The following PHF8 variants were observed in gnomAD, a reference collection of about 807,000 sequenced individuals.
PHF8 encodes the protein PHD finger protein 8, also known as histone lysine demethylase PHF8.
A neutral mutation model predicts 74.4 loss-of-function variants in PHF8; 9 were observed. The ratio of observed to expected loss-of-function variants is 0.12; its 90% CI spans 0.07 to 0.21. The LOEUF is 0.21. PHF8 is among the 10% of genes least tolerant of loss of function. PHF8 has a pLI of 1.00. For synonymous variants in PHF8, 311 were observed against 316.6 expected (o/e 0.98, Z 0.19); for missense variants, 478 against 816.6 (o/e 0.59, Z 5.05).
chrX:54,023,820 G>T (rs1333253537), intron 2 of PHF8, among the ~76,000 whole-genome samples: 1 of 84,077 alleles, frequency 1.2e-5, no homozygotes, highest in Non-Finnish European at 2.2e-5. Context: ...CAGCCTGGGT[G>T]ACAGAACAAG....
At chrX:53,985,779 G>A in intron 17 of PHF8, 37 bp downstream of exon 17, 2 of 1,211,445 alleles carry the variant, frequency 1.7e-6, no homozygotes, top group Non-Finnish European at 1.1e-6. Flanking sequence ...GTTGCTGTCT[G>A]ATAGCCTGGA....
chrX:53,969,569 T>C, intron 18 of PHF8, among the ~76,000 whole-genome samples: 1 of 112,051 alleles, frequency 8.9e-6, no homozygotes, highest in Non-Finnish European at 1.9e-5. Context: ...ATAGATTCCA[T>C]GCAATCCCTA....
intron 2 of PHF8, among the ~76,000 whole-genome samples, chrX:54,025,610 C>T (rs1557111262): frequency 9.0e-6 from 1 of 111,614 alleles, no homozygotes; most frequent in East Asian, 2.8e-4. Flanking sequence ...ATTCCAGGCA[C>T]TTAGTTCTTT....
At chrX:54,025,188 T>C (rs2066248712) in intron 2 of PHF8, among the ~76,000 whole-genome samples, 1 of 111,891 alleles carries the variant, frequency 8.9e-6, no homozygotes, top group South Asian at 3.7e-4. Flanking sequence ...TTCATACCAT[T>C]TTTTTCTAGT....
chrX:53,981,744 A>G (rs2065482926), intron 18 of PHF8, among the ~76,000 whole-genome samples: 1 of 111,910 alleles, frequency 8.9e-6, no homozygotes, highest in African/African-American at 3.2e-5. Context: ...TTGAGTCTGT[A>G]TTTTGGCTTC....
chrX:53,957,309 C>T (rs2065029801), intron 19 of PHF8, among the ~76,000 whole-genome samples: 1 of 109,100 alleles, frequency 9.2e-6, no homozygotes, highest in Admixed American at 9.8e-5. Context: ...GCCGGGATCT[C>T]GCCACTGCAC....
chrX:53,995,991 G>A (rs1459512354), intron 11 of PHF8, among the ~76,000 whole-genome samples: 1 of 110,609 alleles, frequency 9.0e-6, no homozygotes, highest in East Asian at 2.8e-4. Flanking sequence ...AACTTAAAAT[G>A]GATCATAGAC....
chrX:54,032,609 C>T (rs1557112872), intron 2 of PHF8, among the ~76,000 whole-genome samples: 1 of 111,217 alleles, frequency 9.0e-6, no homozygotes, highest in African/African-American at 3.3e-5. Context: ...TTCTCCTGCT[C>T]ACCCTACTTT....
intron 4 of PHF8, among the ~76,000 whole-genome samples, chrX:54,021,538 G>A (rs1341002923): frequency 2.2e-5 from 2 of 89,382 alleles, no homozygotes; most frequent in Non-Finnish European, 2.1e-5. Context: ...GTGGGATCTC[G>A]GCTCACTGCA....
At chrX:53,994,427 C>T (rs2065716229) in intron 12 of PHF8, among the ~76,000 whole-genome samples, 1 of 112,433 alleles carries the variant, frequency 8.9e-6, no homozygotes, top group Non-Finnish European at 1.9e-5. Flanking sequence ...AGGTAGAAGG[C>T]GAATGAGAAG....
At position 53,987,823 on chromosome X, in the gene PHF8, C is replaced by T; in HGVS notation, c.1852G>A (p.Glu618Lys). 1 of 1,209,429 alleles carries T rather than the reference C, an allele frequency of 8.3e-7. No individual in the cohort carries two copies. Among genetic ancestry groups the T allele is most frequent in the Non-Finnish European group, 1.1e-6 (1 of 893,664 alleles). Reference protein sequence around the residue: ...EDEFDLDSDDELQIDERLGKE... With the variant: ...EDEFDLDSDDKLQIDERLGKE... The stretch of plus-strand genomic sequence containing the variant: ...CCCAATCTCTCGTCAATCTGCAGCT[C>T]ATCATCTGAATCCAAGTCAAATTCG... The change falls in exon 15 of 22, where the codon GAG becomes AAG. Residue 618 changes from glutamate (E) to lysine (K), a missense_variant. Glu to Lys is a moderately conservative substitution (Grantham distance 56). Coordinates refer to ENST00000338154, the MANE Select transcript of PHF8 (RefSeq NM_015107.3).
chrX:53,952,064 T>C (rs2064932514), intron 19 of PHF8, among the ~76,000 whole-genome samples: 1 of 109,924 alleles, frequency 9.1e-6, no homozygotes, highest in Admixed American at 9.7e-5. Context: ...AGCGGGCAGA[T>C]TACGAGGTCA....
chrX:53,972,321 CAAAAAAA>C (rs1236817498), intron 18 of PHF8, among the ~76,000 whole-genome samples: 30 of 34,159 alleles, frequency 8.8e-4, no homozygotes, highest in East Asian at 1.1e-3. Flanking sequence ...GACGCTGTCT[CAAAAAAA>C]AAAAAAAAAA....
At chrX:54,003,399 G>GT (rs782190409) in intron 8 of PHF8, among the ~76,000 whole-genome samples, 6 of 111,800 alleles carry the variant, frequency 5.4e-5, no homozygotes, top group Admixed American at 9.5e-5. Flanking sequence ...GCTCATGCCT[G>GT]TAATCCCAGC....
intron 3 of PHF8, 128 bp from the exon 4 acceptor site, chrX:54,022,495 C>A: frequency 1.8e-6 from 1 of 549,283 alleles, no homozygotes; most frequent in Non-Finnish European, 3.2e-6. Context: ...GTCAATGAGG[C>A]CCTCACAGAT....
rs1196631736 is a variant in PHF8 at position 53,988,058 on chromosome X, G to T, written c.1731-114C>A. The T allele has an allele frequency of 2.8e-5, 17 of 598,770 alleles. No individual in the cohort carries two copies. In the Admixed American group the frequency reaches 4.6e-4, roughly 16 times the overall value. 49.3% of individuals were successfully genotyped at this position (598,770 alleles called of 1,213,427 possible). Reference sequence around the variant, plus strand: ...TCAATACAATCCCTATCAAAATCCAGCCAGCTTTTTAAATAAAAAGCTGAT... The same window carrying T: ...TCAATACAATCCCTATCAAAATCCATCCAGCTTTTTAAATAAAAAGCTGAT... On this transcript the variant is annotated intron_variant, in intron 14 of 21. Transcript: ENST00000338154.
In PHF8 at chrX:54,043,050, C is replaced by T. The variant is rs868935346; in HGVS notation, c.-92-230G>A. 230 of 502,465 alleles carry T rather than the reference C, an allele frequency of 4.6e-4. 1 individual carries two copies. The highest frequency in any genetic ancestry group is 2.0e-3 in the Middle Eastern group (3 of 1,488). The allele number at this position is 502,465 out of a possible 1,213,427, so 41.4% of individuals were successfully genotyped here. Reference sequence around the variant, plus strand: ...CCGCCCCCACACTCTCCACTCCCCACCCCCCACCTTCTTCGGCCCCGTTGT... The same window carrying T: ...CCGCCCCCACACTCTCCACTCCCCATCCCCCACCTTCTTCGGCCCCGTTGT... On this transcript the variant is annotated intron_variant, in intron 1 of 21. Coordinates refer to ENST00000338154, the MANE Select transcript of PHF8 (RefSeq NM_015107.3).
At chrX:53,955,485 G>A (rs1307081079) in intron 19 of PHF8, among the ~76,000 whole-genome samples, 3 of 108,655 alleles carry the variant, frequency 2.8e-5, no homozygotes, top group Non-Finnish European at 5.7e-5. Context: ...AAGTGCTACA[G>A]ATACAATGAT....
chrX:54,014,140 A>G (rs911426892), intron 7 of PHF8, among the ~76,000 whole-genome samples: 2 of 109,823 alleles, frequency 1.8e-5, no homozygotes, highest in Admixed American at 1.9e-4. Context: ...TATTTTTAGT[A>G]GAGATGGGGT....
Sources: gnomAD v4.1 joint callset for allele counts (sites outside exome capture counted in the v4.1 genomes callset) on GRCh38, gnomAD v4.1.1 for gene constraint, MANE v1.5 for transcripts, NCBI Gene and HGNC (gene_info 2026-07-23, HGNC 2026-07-21) for gene names.